SYT1: variants seen among roughly 807,000 people sequenced by gnomAD.
SYT1 encodes the protein synaptotagmin 1, also known as synaptotagmin-1.
Under a neutral mutation model 44.8 loss-of-function variants are expected in SYT1, and 8 were observed. The observed-to-expected ratio is 0.18, with a 90% confidence interval of 0.10 to 0.32. The LOEUF is 0.32. SYT1 is among the 10% of genes least tolerant of loss of function. The probability of loss-of-function intolerance (pLI) is 1.00; values close to 1 mark genes in which losing one functional copy is unlikely to be tolerated. For synonymous variants in SYT1, 154 were observed against 188.8 expected (o/e 0.82, Z 1.51); for missense variants, 286 against 509.3 (o/e 0.56, Z 4.22).
chr12:79,154,169 G>C (rs1870450009), intron 3 of SYT1, among the ~76,000 whole-genome samples: 2 of 152,020 alleles, frequency 1.3e-5, no homozygotes, highest in South Asian at 4.2e-4. Context: ...GTATATCAGA[G>C]TTAAATATTC....
In SYT1 at chr12:79,067,304, T is replaced by G. The variant is rs553048588; in HGVS notation, c.-18+19942T>G. Among the ~76,000 whole-genome samples, 25 of 152,256 alleles carry G rather than the reference T, an allele frequency of 1.6e-4. 1 individual carries two copies. The highest frequency in any genetic ancestry group is 5.3e-4 in the African/African-American group (22 of 41,562). On this transcript the variant is annotated intron_variant, in intron 3 of 10. Coordinates refer to ENST00000261205, the MANE Select transcript of SYT1 (RefSeq NM_005639.3). ...ACAAAAATACAGTCTTTATGGGTAT[T>G]TAACTCCTACAGTTGACTTTAAGTT...
chr12:79,440,462 G>A (rs1306527583), intron 9 of SYT1, among the ~76,000 whole-genome samples: 1 of 152,142 alleles, frequency 6.6e-6, no homozygotes, highest in African/African-American at 2.4e-5. Flanking sequence ...GAGATATAGA[G>A]TGCCTAGAGA....
chr12:79,355,345 G>A (rs1592995444), intron 9 of SYT1, among the ~76,000 whole-genome samples: 1 of 152,240 alleles, frequency 6.6e-6, no homozygotes, highest in Non-Finnish European at 1.5e-5. Flanking sequence ...ATAAGGAAAG[G>A]CCAAAGGTCA....
At chr12:79,373,298 ATTCCTCTTTATACAT>A (rs1267454541) in intron 9 of SYT1, among the ~76,000 whole-genome samples, 2 of 152,192 alleles carry the variant, frequency 1.3e-5, no homozygotes, top group Non-Finnish European at 2.9e-5. Context: ...TTGGGAGCAC[ATTCCTCTTTATACAT>A]TTACTTGTAG....
chr12:78,917,628 A>T (rs1039270006), intron 1 of SYT1, among the ~76,000 whole-genome samples: 10 of 152,004 alleles, frequency 6.6e-5, no homozygotes, highest in African/African-American at 2.4e-4. Context: ...TTTCAAAAAA[A>T]AAAAAAGGAA....
chr12:79,094,724 C>G (rs187174064), intron 3 of SYT1, among the ~76,000 whole-genome samples: 77 of 151,768 alleles, frequency 5.1e-4, no homozygotes, highest in Admixed American at 5.0e-3. Flanking sequence ...TATATAGTTC[C>G]ATTTTAGCTT....
intron 4 of SYT1, among the ~76,000 whole-genome samples, chr12:79,226,851 C>T (rs925136310): frequency 6.6e-6 from 1 of 152,092 alleles, no homozygotes; most frequent in African/African-American, 2.4e-5. Flanking sequence ...GATTTATATG[C>T]AGGAGGCAAT....
chr12:78,944,465 T>C (rs1456031709), intron 1 of SYT1, among the ~76,000 whole-genome samples: 1 of 152,024 alleles, frequency 6.6e-6, no homozygotes, highest in Non-Finnish European at 1.5e-5. Flanking sequence ...CCATCTAATA[T>C]TTGTAAGTGG....
At chr12:79,382,484 A>AT (rs745528640) in intron 9 of SYT1, among the ~76,000 whole-genome samples, 8 of 152,162 alleles carry the variant, frequency 5.3e-5, no homozygotes, top group Non-Finnish European at 8.8e-5. Flanking sequence ...AGGGGCAATG[A>AT]TTTTTTCCCC....
At chr12:79,045,184 G>T (rs61929012) in intron 2 of SYT1, among the ~76,000 whole-genome samples, 2 of 152,052 alleles carry the variant, frequency 1.3e-5, no homozygotes, top group Non-Finnish European at 1.5e-5. Flanking sequence ...GTTTACCTAA[G>T]CAAGCCCGGG....
At chr12:79,149,459 T>G (rs1187782031) in intron 3 of SYT1, among the ~76,000 whole-genome samples, 2 of 152,292 alleles carry the variant, frequency 1.3e-5, no homozygotes, top group Admixed American at 1.3e-4. Context: ...CATGACACTT[T>G]TAAGGTTGTA....
chr12:79,304,721 G>A (rs930883866), intron 8 of SYT1, among the ~76,000 whole-genome samples: 2 of 152,028 alleles, frequency 1.3e-5, no homozygotes, highest in Admixed American at 6.6e-5. Context: ...GTTCTAGGGA[G>A]AACTCAAAGA....
chr12:79,230,180 G>T (rs1875786937), intron 4 of SYT1, among the ~76,000 whole-genome samples: 1 of 152,114 alleles, frequency 6.6e-6, no homozygotes, highest in Admixed American at 6.5e-5. Flanking sequence ...AAGTGTTTTT[G>T]CATGGCTCTC....
intron 3 of SYT1, among the ~76,000 whole-genome samples, chr12:79,192,624 T>C (rs966585515): frequency 2.0e-5 from 3 of 152,120 alleles, no homozygotes; most frequent in Non-Finnish European, 4.4e-5. Context: ...GTGACCAAGA[T>C]GACCTTTACC....
chr12:79,118,243 A>T (rs891890704), intron 3 of SYT1, among the ~76,000 whole-genome samples: 3 of 152,206 alleles, frequency 2.0e-5, no homozygotes, highest in Non-Finnish European at 2.9e-5. Context: ...ATGTGTGGTT[A>T]AAAATTATTG....
At chr12:79,028,189 G>T (rs1872640929) in intron 2 of SYT1, among the ~76,000 whole-genome samples, 1 of 151,376 alleles carries the variant, frequency 6.6e-6, no homozygotes, top group African/African-American at 2.4e-5. Context: ...TGTACTGAAA[G>T]CCTCTTCAAA....
intron 1 of SYT1, among the ~76,000 whole-genome samples, chr12:78,886,457 A>G (rs2137065568): frequency 6.6e-6 from 1 of 152,142 alleles, no homozygotes; most frequent in Non-Finnish European, 1.5e-5. Context: ...GCTGATTTTG[A>G]CAGTTGTAAG....
chr12:79,313,536 G>A (rs564827146), intron 8 of SYT1, among the ~76,000 whole-genome samples: 80 of 150,240 alleles, frequency 5.3e-4, no homozygotes, highest in South Asian at 1.3e-3. Context: ...ACCTTAAATT[G>A]CATTCTATTA....
At chr12:79,306,515 G>C (rs944612795) in intron 8 of SYT1, among the ~76,000 whole-genome samples, 70 of 152,270 alleles carry the variant, frequency 4.6e-4, no homozygotes, top group African/African-American at 1.7e-3. Flanking sequence ...GGATGTTCTT[G>C]TGAGTTTTAT....
Sources: allele counts gnomAD v4.1 joint callset (sites outside exome capture counted in the v4.1 genomes callset), GRCh38; gene constraint gnomAD v4.1.1; transcripts MANE v1.5; gene names NCBI Gene and HGNC (gene_info 2026-07-23, HGNC 2026-07-21).